Variants in MYO1C observed in about 807,000 individuals in gnomAD.
MYO1C encodes myosin IC, also known as unconventional myosin-Ic.
In MYO1C, 104 loss-of-function variants were observed where a neutral mutation model predicts 150.8. The ratio of observed to expected loss-of-function variants is 0.69; its 90% CI spans 0.59 to 0.81. MYO1C has a LOEUF of 0.81. Among genes scored for constraint, MYO1C ranks in the 30% least tolerant of loss-of-function variants. The probability of loss-of-function intolerance (pLI) is 0.00; values close to 1 mark genes in which losing one functional copy is unlikely to be tolerated. For missense variants in MYO1C, 1,504 were observed against 1,435.0 expected, an observed-to-expected ratio of 1.05 and a Z score of -0.78; for synonymous variants, 663 against 579.9, an observed-to-expected ratio of 1.14 and a Z score of -2.06.
chr17:1,482,890 G>A lies in MYO1C; in HGVS notation c.517C>T (p.Arg173Trp), dbSNP rs751862717. The change falls in exon 4 of 32, where the codon CGG (arginine) becomes TGG (tryptophan). Residue 173 changes from arginine to tryptophan, a missense_variant. Arg to Trp is a moderately radical substitution (Grantham distance 101, BLOSUM62 -3). Coordinates refer to ENST00000648651, the MANE Select transcript of MYO1C (RefSeq NM_001080779.2). The part of the protein sequence containing the change: ...APERGGAVRD[R>W]LLQSNPVLEA... ...AGCACCGGGTTGCTCTGTAGCAGCC[G>A]GTCCCGCACGGCACCTCCGCGCTCG... is the stretch of plus-strand genomic sequence containing the variant. 2.6e-5 allele frequency: 37 copies of A among 1,415,562 alleles called. No individual in the cohort carries two copies. The highest frequency in any genetic ancestry group is 6.2e-5 in the South Asian group (5 of 81,046). 87.7% of individuals were successfully genotyped at this position (1,415,562 alleles called of 1,614,324 possible).
chr17:1,488,390 C>G (rs950753800), intron 1 of MYO1C, among the ~76,000 whole-genome samples: 6 of 152,202 alleles, frequency 3.9e-5, no homozygotes, highest in Admixed American at 3.9e-4. Flanking sequence ...AAGCGCGAGC[C>G]CCGGGCGGGG....
At chr17:1,484,802 C>G (rs2074616634) in intron 1 of MYO1C, 1 of 387,678 alleles carries the variant, frequency 2.6e-6, no homozygotes, top group South Asian at 1.9e-5. Context: ...CAGCTCTGAG[C>G]CACGTGTGAC....
chr17:1,470,261 T>G lies in MYO1C; in HGVS notation c.2440A>C (p.Thr814Pro). The G allele has an allele frequency of 1.9e-6, 3 of 1,596,864 alleles. No homozygotes were observed. The highest frequency in any genetic ancestry group is 2.8e-5 in the African/African-American group (2 of 72,466). ...CGCCTCAGGTTTAGCAAAAAAGAGG[T>G]GCGCACATGGTCCAGGAAGAAGGCG... ...ENAFFLDHVR[T>P]SFLLNLRRQL... Residue 814 changes from threonine to proline, a missense_variant, in exon 24 of 32, where the codon ACC (threonine) becomes CCC (proline). Transcript: ENST00000648651.
Position 1,466,277 on chromosome 17 carries a change from C to T in MYO1C, c.3166-525G>A, listed in dbSNP as rs536231648. On this transcript the variant is annotated intron_variant, in intron 31 of 31. Transcript: ENST00000648651. The stretch of plus-strand genomic sequence containing the variant: ...CTGGGCTCAAGCAATCCTCTCATCT[C>T]AGGCTTCTGAGCAACTGGGACTACA... Among the ~76,000 whole-genome samples, 5 of 150,222 alleles carry T rather than the reference C, an allele frequency of 3.3e-5. No homozygotes were observed. The East Asian group carries it at 9.9e-4, about 30-fold the overall frequency.
chr17:1,466,399 C>G (rs1337505361), intron 31 of MYO1C, among the ~76,000 whole-genome samples: 1 of 152,034 alleles, frequency 6.6e-6, no homozygotes, highest in East Asian at 1.9e-4. Flanking sequence ...GGCGCAATCT[C>G]GGCTCACCGC....
At chr17:1,471,438 G>C in intron 19 of MYO1C, 102 bp from the exon 20 acceptor site, 1 of 910,182 alleles carries the variant, frequency 1.1e-6, no homozygotes, top group Non-Finnish European at 1.8e-6. Flanking sequence ...CCACTGACTC[G>C]TTCACAGCTA....
At chr17:1,469,682 A>T (rs1401742318) in intron 24 of MYO1C, 68 bp from the exon 25 acceptor site, 10 of 1,256,554 alleles carry the variant, frequency 8.0e-6, no homozygotes, top group Non-Finnish European at 1.1e-5. Context: ...CATCGAACAT[A>T]TGCTACTGCA....
chr17:1,480,462 C>CAAA, intron 7 of MYO1C, 65 bp downstream of exon 7: 1 of 1,233,566 alleles, frequency 8.1e-7, no homozygotes, highest in Non-Finnish European at 1.2e-6. Context: ...AAATAAAAAA[C>CAAA]AAAAAAAAAA....
At chr17:1,468,199 C>T in intron 27 of MYO1C, 54 bp downstream of exon 27, 1 of 1,611,242 alleles carries the variant, frequency 6.2e-7, no homozygotes, top group South Asian at 1.1e-5. Context: ...CTGCCTTCAG[C>T]TCTCAGGCAG....
Position 1,469,618 on chromosome 17 carries a change from A to C in MYO1C, c.2527-4T>G. ...ACTCCCGCAGAAGCTCTGAGGCCTAAGGGGAGGAGTGAGGTCAGAGGTCCT... is the reference window on the plus strand; with the variant it reads ...ACTCCCGCAGAAGCTCTGAGGCCTACGGGGAGGAGTGAGGTCAGAGGTCCT... On this transcript the variant is annotated splice_region_variant and splice_polypyrimidine_tract_variant and intron_variant, in intron 24 of 31. Coordinates refer to ENST00000648651, the MANE Select transcript of MYO1C (RefSeq NM_001080779.2). The C allele has an allele frequency of 6.2e-7, 1 of 1,608,978 alleles. No homozygotes were observed. The highest frequency in any genetic ancestry group is 8.5e-7 in the Non-Finnish European group (1 of 1,176,806).
At position 1,469,613 on chromosome 17, in the gene MYO1C, G is replaced by A. The variant is rs1343620810; in HGVS notation, c.2528C>T (p.Ala843Val). The A allele has an allele frequency of 6.2e-7, 1 of 1,610,754 alleles. No individual in the cohort carries two copies. The highest frequency in any genetic ancestry group is 8.5e-7 in the Non-Finnish European group (1 of 1,178,136). ...GCACAACTCCCGCAGAAGCTCTGAGGCCTAAGGGGAGGAGTGAGGTCAGAG... is the reference window on the plus strand; with the variant it reads ...GCACAACTCCCGCAGAAGCTCTGAGACCTAAGGGGAGGAGTGAGGTCAGAG... ...WPTPPPALRE[A>V]SELLRELCIK... The change falls in exon 25 of 32, where the codon GCC becomes GTC. Residue 843 changes from alanine (A) to valine (V), a missense_variant and splice_region_variant. Coordinates refer to ENST00000648651, the MANE Select transcript of MYO1C (RefSeq NM_001080779.2).
chr17:1,483,844 G>A (rs2074591376), intron 2 of MYO1C, 119 bp from the exon 3 acceptor site: 1 of 771,228 alleles, frequency 1.3e-6, no homozygotes, highest in Non-Finnish European at 2.2e-6. Context: ...GGGAGTTCAA[G>A]ACCAACCTGA....
chr17:1,471,141 C>T lies in MYO1C; in HGVS notation c.2142G>A (p.Lys714=), dbSNP rs1567518055. 6.2e-7 allele frequency: 1 copy of T among 1,614,172 alleles called. No homozygotes were observed. The highest frequency in any genetic ancestry group is 8.5e-7 in the Non-Finnish European group (1 of 1,180,016). ...GGGTCTTGGGGAAGCGGATGAAGAT[C>T]TTGGTCCTGGGAGAGCAGTAGTGAT... is the stretch of plus-strand genomic sequence containing the variant. ...KPEEYKMGRT[K]IFIRFPKTLF... Residue 714 remains lysine (K), a synonymous_variant, in exon 21 of 32, where the codon AAG becomes AAA. Coordinates refer to ENST00000648651, the MANE Select transcript of MYO1C (RefSeq NM_001080779.2).
chr17:1,484,755 G>A (rs1392047747), intron 1 of MYO1C: 3 of 363,142 alleles, frequency 8.3e-6, no homozygotes, highest in African/African-American at 2.1e-5. Flanking sequence ...TCCTAAAGGA[G>A]GAGGAGTTGA....
At chr17:1,484,436 C>CG in intron 1 of MYO1C, 133 bp from the exon 2 acceptor site, 3 of 1,135,664 alleles carry the variant, frequency 2.6e-6, no homozygotes, top group Non-Finnish European at 3.8e-6. Flanking sequence ...ATGAGCATGA[C>CG]GGGTGCGGGG....
rs2074748691 is a variant in MYO1C at position 1,492,615 on chromosome 17, C to G, written c.-128G>C. 5 of 816,582 alleles carry G rather than the reference C, an allele frequency of 6.1e-6. No homozygotes were observed. Among genetic ancestry groups the G allele is most frequent in the Non-Finnish European group, 1.0e-5 (5 of 490,422 alleles). 50.6% of individuals were successfully genotyped at this position (816,582 alleles called of 1,614,324 possible). Reference sequence around the variant, plus strand: ...CTAACGCCGGGATGGCCACTTGGTTCTGCTTCAACTGCAGCCCCAGGGGAT... The same window carrying G: ...CTAACGCCGGGATGGCCACTTGGTTGTGCTTCAACTGCAGCCCCAGGGGAT... On this transcript the variant is annotated 5_prime_UTR_variant, in exon 1 of 32. Coordinates refer to ENST00000648651, the MANE Select transcript of MYO1C (RefSeq NM_001080779.2).
intron 31 of MYO1C, among the ~76,000 whole-genome samples, chr17:1,466,248 C>CCTCCTG (rs1452071784): frequency 6.9e-6 from 1 of 144,034 alleles, no homozygotes; most frequent in Non-Finnish European, 1.5e-5. Flanking sequence ...GCAGCCTCAA[C>CCTCCTG]CTCCTGGGCT....
At chr17:1,484,040 C>T in intron 2 of MYO1C, 108 bp downstream of exon 2, 1 of 1,178,868 alleles carries the variant, frequency 8.5e-7, no homozygotes, top group Non-Finnish European at 1.2e-6. Context: ...GAAACTGTCT[C>T]AAAAAAAAAA....
chr17:1,489,749 GTA>G (rs976791047), intron 1 of MYO1C, among the ~76,000 whole-genome samples: 5 of 149,826 alleles, frequency 3.3e-5, no homozygotes, highest in Non-Finnish European at 7.4e-5. Flanking sequence ...AAAAAAAAAA[GTA>G]AACGGCCCAG....
Sources: allele counts gnomAD v4.1 joint callset (sites outside exome capture counted in the v4.1 genomes callset), GRCh38; gene constraint gnomAD v4.1.1; transcripts MANE v1.5; gene names NCBI Gene and HGNC (gene_info 2026-07-23, HGNC 2026-07-21).